The following ADGRD1 variants were observed in gnomAD, a reference collection of about 807,000 sequenced individuals.
ADGRD1 encodes the protein G-protein coupled receptor 133.
In ADGRD1, 77 loss-of-function variants were observed where a neutral mutation model predicts 113.4. The ratio of observed to expected loss-of-function variants is 0.68; its 90% CI spans 0.57 to 0.82. The LOEUF is 0.82. ADGRD1 is among the 40% of genes least tolerant of loss of function. The pLI, the probability that ADGRD1 is intolerant of heterozygous loss-of-function variation, is 0.00. For synonymous variants in ADGRD1, 474 were observed against 475.0 expected, an observed-to-expected ratio of 1.00 and a Z score of 0.03; for missense variants, 1,036 against 1,139.1, an observed-to-expected ratio of 0.91 and a Z score of 1.30.
Position 131,015,267 on chromosome 12 carries a change from G to A in ADGRD1, c.1473+927G>A, listed in dbSNP as rs946855910. Among the ~76,000 whole-genome samples the A allele has an allele frequency of 4.6e-5, 7 of 152,408 alleles. No individual in the cohort carries two copies. The East Asian group carries it at 9.6e-4, about 21-fold the overall frequency. ...CTGCTGGGTGAGCTGGGGCAGTCAA[G>A]AGATGGTACTGGAGACGGAGATGGG... On this transcript the variant is annotated intron_variant, in intron 13 of 24. Coordinates refer to ENST00000261654, the MANE Select transcript of ADGRD1 (RefSeq NM_198827.5).
In ADGRD1 at chr12:130,954,538, TCCC is replaced by T. The variant is rs1201766195; in HGVS notation, c.66+9_66+11del. The T allele has an allele frequency of 6.2e-7, 1 of 1,612,458 alleles. No individual in the cohort carries two copies. Among genetic ancestry groups the T allele is most frequent in the African/African-American group, 1.3e-5 (1 of 74,862 alleles). Reference sequence around the variant, plus strand: ...ATTTTATTACAACTTTCAGGTAATGTCCCCAAGTGGCCAGGATGGCGACAGGCT... The same window carrying T: ...ATTTTATTACAACTTTCAGGTAATGTCAAGTGGCCAGGATGGCGACAGGCT... On this transcript the variant is annotated splice_region_variant and intron_variant, in intron 1 of 24. Transcript: ENST00000261654. The surrounding 1 kb of genome is among the most constrained non-coding windows in gnomAD (Gnocchi z 4.7).
At chr12:130,961,046 AG>A (rs1406159502) in intron 2 of ADGRD1, among the ~76,000 whole-genome samples, 2 of 152,206 alleles carry the variant, frequency 1.3e-5, no homozygotes. Flanking sequence ...GACCATCGGC[AG>A]GGGCCGGCAT....
chr12:131,018,780 C>T (rs1157792163), intron 13 of ADGRD1, among the ~76,000 whole-genome samples: 1 of 152,226 alleles, frequency 6.6e-6, no homozygotes, highest in Non-Finnish European at 1.5e-5. Context: ...CGTGGAACTT[C>T]TTTCTCAAAG....
At chr12:130,988,430 G>A (rs1873960872) in intron 6 of ADGRD1, 1 of 152,228 alleles carries the variant, frequency 6.6e-6, no homozygotes, top group Non-Finnish European at 1.5e-5. Context: ...CGGATGTCAG[G>A]ACCAGGAGAG....
At chr12:131,071,020 A>G (rs567857220) in intron 13 of ADGRD1, 102 of 486,456 alleles carry the variant, frequency 2.1e-4, no homozygotes, top group African/African-American at 1.8e-3. Flanking sequence ...GGGGCCATGT[A>G]CAAGGAGGTG....
intron 15 of ADGRD1, among the ~76,000 whole-genome samples, chr12:131,095,087 C>T (rs1887191434): frequency 6.6e-6 from 1 of 152,180 alleles, no homozygotes; most frequent in Admixed American, 6.5e-5. Flanking sequence ...GGGAACAGGG[C>T]TGACACCTGC....
chr12:131,063,924 G>C (rs977651250), intron 13 of ADGRD1, among the ~76,000 whole-genome samples: 1 of 152,022 alleles, frequency 6.6e-6, no homozygotes, highest in Non-Finnish European at 1.5e-5. Context: ...TTAACATGGC[G>C]TATCTCTCCA....
intron 15 of ADGRD1, among the ~76,000 whole-genome samples, chr12:131,097,978 C>T (rs1285170600): frequency 1.3e-5 from 2 of 152,210 alleles, no homozygotes; most frequent in Non-Finnish European, 2.9e-5. Context: ...GCCTGGGCTC[C>T]TGCTGGCATG....
At position 130,954,529 on chromosome 12, in the gene ADGRD1, C is replaced by A; in HGVS notation, c.64C>A (p.Gln22Lys). 1 of 1,609,350 alleles carries A rather than the reference C, an allele frequency of 6.2e-7. No homozygotes were observed. Among genetic ancestry groups the A allele is most frequent in the Non-Finnish European group, 8.5e-7 (1 of 1,177,298 alleles). The change falls in exon 1 of 25, where the codon CAG (glutamine) becomes AAG (lysine). Residue 22 changes from glutamine (Q) to lysine (K), a missense_variant and splice_region_variant. Coordinates refer to ENST00000261654, the MANE Select transcript of ADGRD1 (RefSeq NM_198827.5). This position sits in a 1 kb window ranked among gnomAD's most constrained non-coding sequence, Gnocchi z 4.7. Reference protein sequence around the residue: ...SWLLLFYYNFQVRGVYSRSQD... With the variant: ...SWLLLFYYNFKVRGVYSRSQD... ...GCTGCTGCTATTTTATTACAACTTT[C>A]AGGTAATGTCCCCAAGTGGCCAGGA...
Position 130,954,202 on chromosome 12 carries a change from T to G in ADGRD1, c.-264T>G. The G allele has an allele frequency of 5.2e-6, 2 of 384,082 alleles. No individual in the cohort carries two copies. Among genetic ancestry groups the G allele is most frequent in the Admixed American group, 4.5e-5 (1 of 22,438 alleles). The allele number at this position is 384,082 out of a possible 1,614,324, so 23.8% of individuals were successfully genotyped here. Reference sequence around the variant, plus strand: ...CCCAGGACTGCGAGTCGGGTTTGGGTTTCTCCTCCCTGCATTCCACAGCTG... The same window carrying G: ...CCCAGGACTGCGAGTCGGGTTTGGGGTTCTCCTCCCTGCATTCCACAGCTG... On this transcript the variant is annotated 5_prime_UTR_variant, in exon 1 of 25. Transcript: ENST00000261654. The surrounding 1 kb of genome is among the most constrained non-coding windows in gnomAD (Gnocchi z 4.7).
intron 4 of ADGRD1, among the ~76,000 whole-genome samples, chr12:130,980,243 GACAGGC>G (rs1440577775): frequency 7.0e-6 from 1 of 142,682 alleles, no homozygotes; most frequent in Non-Finnish European, 1.5e-5. Context: ...CAGCTGGGAC[GACAGGC>G]ACCTGCCACC....
intron 20 of ADGRD1, among the ~76,000 whole-genome samples, chr12:131,122,416 C>G (rs1950620990): frequency 6.6e-6 from 1 of 152,110 alleles, no homozygotes; most frequent in Admixed American, 6.5e-5. Context: ...GCAGCGCCTC[C>G]CCGGGGCTGC....
intron 13 of ADGRD1, among the ~76,000 whole-genome samples, chr12:131,033,796 G>A (rs1881070638): frequency 6.6e-6 from 1 of 152,190 alleles, no homozygotes; most frequent in South Asian, 2.1e-4. Context: ...CACGGCTGCT[G>A]CGTCTGCTAG....
At chr12:131,083,375 G>T (rs1886215632) in intron 14 of ADGRD1, among the ~76,000 whole-genome samples, 1 of 152,106 alleles carries the variant, frequency 6.6e-6, no homozygotes, top group East Asian at 1.9e-4. Context: ...GCTGAGGCAG[G>T]AAGGTTGTTT....
At chr12:131,107,426 T>C (rs35162231) in intron 17 of ADGRD1, among the ~76,000 whole-genome samples, 1,519 of 129,300 alleles carry the variant, frequency 0.012, 61 homozygotes, top group African/African-American at 0.038. Context: ...TGATGGGTCC[T>C]GCTCTCCCAG....
chr12:130,997,853 G>A (rs891297091), intron 8 of ADGRD1, among the ~76,000 whole-genome samples: 128 of 152,322 alleles, frequency 8.4e-4, no homozygotes, highest in African/African-American at 2.9e-3. Context: ...CAAGGCAGGC[G>A]GCTGGGAGGT....
intron 24 of ADGRD1, 152 bp from the exon 25 acceptor site, chr12:131,139,016 C>G: frequency 1.6e-6 from 1 of 615,510 alleles, no homozygotes; most frequent in South Asian, 2.0e-5. Context: ...TCATCTCCCC[C>G]AGGAGCATGG....
chr12:131,038,113 TCTCA>T (rs1438809693), intron 13 of ADGRD1, among the ~76,000 whole-genome samples: 3 of 152,164 alleles, frequency 2.0e-5, no homozygotes, highest in Admixed American at 2.0e-4. Context: ...CTACACTGGG[TCTCA>T]CTCACTGCAT....
chr12:130,956,988 GACAC>G (rs1242797300), intron 2 of ADGRD1: 1 of 152,340 alleles, frequency 6.6e-6, no homozygotes, highest in Non-Finnish European at 1.5e-5. Flanking sequence ...CAGACATGTT[GACAC>G]ACATGCATAC....
Sources: allele counts gnomAD v4.1 joint callset (sites outside exome capture counted in the v4.1 genomes callset), GRCh38; gene constraint gnomAD v4.1.1; non-coding constraint Gnocchi (gnomAD v3.1); transcripts MANE v1.5; gene names NCBI Gene and HGNC (gene_info 2026-07-23, HGNC 2026-07-21).